Variants in SDK2 observed in about 807,000 individuals in gnomAD.
The protein encoded by SDK2 is sidekick cell adhesion molecule 2.
In SDK2, 105 loss-of-function variants were observed where a neutral mutation model predicts 253.9. The ratio of observed to expected loss-of-function variants is 0.41; its 90% confidence interval spans 0.35 to 0.49. The LOEUF (loss-of-function observed/expected upper bound fraction) is 0.49, where lower values mean the gene tolerates loss of function less well. SDK2 is among the 20% of genes least tolerant of loss of function. The pLI is 0.06. For synonymous variants in SDK2, 1,249 were observed against 1,234.9 expected, an observed-to-expected ratio of 1.01 and a Z score of -0.24; for missense variants, 2,608 against 3,003.0, an observed-to-expected ratio of 0.87 and a Z score of 3.07.
chr17:73,398,853 G>A (rs752017278), intron 22 of SDK2, among the ~76,000 whole-genome samples: 1 of 152,138 alleles, frequency 6.6e-6, no homozygotes, highest in Non-Finnish European at 1.5e-5. Flanking sequence ...ACAGGTGTTG[G>A]CGCTTCTGAA....
intron 1 of SDK2, among the ~76,000 whole-genome samples, chr17:73,563,407 C>G (rs1345081310): frequency 6.6e-6 from 1 of 152,106 alleles, no homozygotes; most frequent in Admixed American, 6.5e-5. Flanking sequence ...GACCCCACCT[C>G]TACAAAAAAT....
intron 39 of SDK2, among the ~76,000 whole-genome samples, chr17:73,360,914 T>C (rs534674035): frequency 2.8e-5 from 4 of 143,920 alleles, no homozygotes; most frequent in Non-Finnish European, 4.5e-5. Flanking sequence ...CCAGCCTGGA[T>C]GACAGAGCGA....
rs2062366990 is a variant in SDK2 at position 73,334,956 on chromosome 17, T to G, written c.*3631A>C. ...GGCACTGTGGTGAGGCTCTGGCACC[T>G]TTAGAAGCACTGCCCAGGGAGGCGT... On this transcript the variant is annotated 3_prime_UTR_variant, in exon 45 of 45. Transcript: ENST00000392650. The G allele has an allele frequency of 6.6e-6, 1 of 152,330 alleles. No homozygotes were observed. The highest frequency in any genetic ancestry group is 1.5e-5 in the Non-Finnish European group (1 of 68,114). The allele number at this position is 152,330 out of a possible 1,614,324, so 9.4% of individuals were successfully genotyped here.
At chr17:73,492,300 T>C (rs2063811045) in intron 2 of SDK2, among the ~76,000 whole-genome samples, 1 of 152,168 alleles carries the variant, frequency 6.6e-6, no homozygotes, top group African/African-American at 2.4e-5. Flanking sequence ...AGAGTAGCTA[T>C]CTGTGGCCCG....
chr17:73,537,291 C>G (rs776306040), intron 1 of SDK2, among the ~76,000 whole-genome samples: 1 of 152,158 alleles, frequency 6.6e-6, no homozygotes, highest in Non-Finnish European at 1.5e-5. Context: ...CGTCTGTTAA[C>G]GAGGGAGATA....
intron 12 of SDK2, among the ~76,000 whole-genome samples, chr17:73,424,902 T>C (rs1466220494): frequency 1.3e-5 from 2 of 152,204 alleles, no homozygotes; most frequent in Non-Finnish European, 2.9e-5. Flanking sequence ...AGAGTGAATC[T>C]GTAATATTTT....
At chr17:73,633,242 G>A (rs764581840) in intron 1 of SDK2, among the ~76,000 whole-genome samples, 5 of 152,210 alleles carry the variant, frequency 3.3e-5, no homozygotes, top group South Asian at 4.1e-4. Context: ...CTCTTACTAC[G>A]CCACCGCCCT....
Position 73,511,948 on chromosome 17 carries a change from CAT to C in SDK2, c.65-4353_65-4352del, listed in dbSNP as rs577273946. Reference sequence around the variant, plus strand: ...GTGCAGGTGTGTCTGCATGTATGTCCATGTGTGGACATTCACATATCTGTGAA... The same window carrying C: ...GTGCAGGTGTGTCTGCATGTATGTCCGTGTGGACATTCACATATCTGTGAA... On this transcript the variant is annotated intron_variant, in intron 1 of 44. Transcript: ENST00000392650. This position sits in a 1 kb window ranked among gnomAD's most constrained non-coding sequence, Gnocchi z 4.9. 2.2e-3 allele frequency among the ~76,000 whole-genome samples: 336 copies of C among 152,062 alleles called. 1 individual carries two copies. The highest frequency in any genetic ancestry group is 7.9e-3 in the African/African-American group (328 of 41,464).
chr17:73,342,073 C>T (rs549262754), intron 44 of SDK2, among the ~76,000 whole-genome samples: 5 of 152,112 alleles, frequency 3.3e-5, no homozygotes, highest in East Asian at 3.9e-4. Flanking sequence ...AGGATGGGAA[C>T]GAGAGCTCCC....
At chr17:73,550,300 T>C (rs9889261) in intron 1 of SDK2, among the ~76,000 whole-genome samples, 151,031 of 152,308 alleles carry the variant, frequency 0.99, 74,893 homozygotes, top group Middle Eastern at 1. Context: ...GGGTTAACGG[T>C]TCTGAAATAT....
At chr17:73,412,107 C>A (rs375056594) in intron 18 of SDK2, among the ~76,000 whole-genome samples, 1 of 45,178 alleles carries the variant, frequency 2.2e-5, no homozygotes, top group Non-Finnish European at 5.4e-5. Context: ...TATATGTATA[C>A]GTATATATGT....
At chr17:73,566,199 C>G (rs1287490029) in intron 1 of SDK2, among the ~76,000 whole-genome samples, 1 of 152,162 alleles carries the variant, frequency 6.6e-6, no homozygotes, top group Non-Finnish European at 1.5e-5. Context: ...CACATCTGCT[C>G]TCCCCTTCAA....
rs539989751 is a variant in SDK2 at position 73,390,391 on chromosome 17, G to A, written c.4088C>T (p.Thr1363Met). ...GTAGACAGACTCTGGCTTGAGGCCC[G>A]TGGCTGTGTACTGCCGGGCGCTGGG... is the stretch of plus-strand genomic sequence containing the variant. Reference protein sequence around the residue: ...LAPSARQYTATGLKPESVYLF... With the variant: ...LAPSARQYTAMGLKPESVYLF... The change falls in exon 29 of 45, where the codon ACG becomes ATG. Residue 1363 changes from threonine (T) to methionine (M), a missense_variant. By Grantham distance (81) the Thr-to-Met change is moderately conservative. This residue lies in a region of SDK2 where 1,103 missense variants were observed against 1,143.9 expected (regional missense o/e 0.96). Transcript: ENST00000392650. 7 of 1,612,594 alleles carry A rather than the reference G, an allele frequency of 4.3e-6. No individual in the cohort carries two copies. Among genetic ancestry groups the A allele is most frequent in the South Asian group, 1.1e-5 (1 of 90,896 alleles).
At chr17:73,504,268 AAGAG>A (rs72249865) in intron 2 of SDK2, 78,312 of 122,798 alleles carry the variant, frequency 0.64, 23,303 homozygotes, top group Non-Finnish European at 0.68. Flanking sequence ...GTGTGTGTGA[AAGAG>A]AGAGAGAGAG....
In SDK2 at chr17:73,541,584, C is replaced by T. The variant is rs142282099; in HGVS notation, c.65-33987G>A. Among the ~76,000 whole-genome samples the T allele has an allele frequency of 2.7e-3, 404 of 151,838 alleles. 2 individuals are homozygous for T. The highest frequency in any genetic ancestry group is 9.0e-3 in the African/African-American group (373 of 41,384). On this transcript the variant is annotated intron_variant, in intron 1 of 44. Transcript: ENST00000392650. This position sits in a 1 kb window ranked among gnomAD's most constrained non-coding sequence, Gnocchi z 4.3. ...TCATGGCGACTTCAAGGCCAGAGCT[C>T]GCCCCACCCTCCCTCCGTCTCTCCC...
At chr17:73,417,475 C>A (rs764307682) in intron 16 of SDK2, among the ~76,000 whole-genome samples, 3 of 151,986 alleles carry the variant, frequency 2.0e-5, no homozygotes, top group African/African-American at 7.2e-5. Context: ...CCCTAGCCCC[C>A]ACACTGTTCA....
At chr17:73,577,732 TC>T (rs1263639978) in intron 1 of SDK2, among the ~76,000 whole-genome samples, 1 of 152,186 alleles carries the variant, frequency 6.6e-6, no homozygotes, top group African/African-American at 2.4e-5. Flanking sequence ...TGCCCCAGTT[TC>T]CTCACGTGTA....
intron 28 of SDK2, 147 bp downstream of exon 28, chr17:73,391,293 A>C (rs2145498125): frequency 4.8e-6 from 2 of 416,404 alleles, no homozygotes; most frequent in South Asian, 2.8e-4. Flanking sequence ...TTCTAGCAGG[A>C]GGACTAACAC....
intron 1 of SDK2, among the ~76,000 whole-genome samples, chr17:73,530,812 A>G (rs919785999): frequency 5.3e-5 from 8 of 152,206 alleles, no homozygotes; most frequent in African/African-American, 1.9e-4. Context: ...AGTGAGAACA[A>G]CCATGCCCCT....
Sources: gnomAD v4.1 joint callset for allele counts (sites outside exome capture counted in the v4.1 genomes callset) on GRCh38, gnomAD v4.1.1 for gene constraint, gnomAD v4.1.1 regional missense constraint, Gnocchi (gnomAD v3.1) non-coding constraint, MANE v1.5 for transcripts, NCBI Gene and HGNC (gene_info 2026-07-23, HGNC 2026-07-21) for gene names.